The following PCCA variants were observed in gnomAD, a reference collection of about 807,000 sequenced individuals.
The protein encoded by PCCA is propionyl-CoA carboxylase alpha chain, mitochondrial.
In PCCA, 74 loss-of-function variants were observed where a neutral mutation model predicts 101.3. The ratio of observed to expected loss-of-function variants is 0.73; its 90% confidence interval spans 0.61 to 0.89. PCCA has a LOEUF of 0.89. Ranked by LOEUF, PCCA falls within the 40% of genes least tolerant of loss-of-function variation. The pLI is 0.00. For missense variants in PCCA, 891 were observed against 907.0 expected (o/e 0.98, Z 0.23); for synonymous variants, 294 against 313.6 (o/e 0.94, Z 0.66).
intron 6 of PCCA, among the ~76,000 whole-genome samples, chr13:100,173,801 G>T (rs893732373): frequency 1.3e-5 from 2 of 152,160 alleles, no homozygotes; most frequent in South Asian, 2.1e-4. Flanking sequence ...ATCATGGGGG[G>T]CAGGTTTCTC....
At chr13:100,529,812 C>G (rs919350590) in intron 23 of PCCA, among the ~76,000 whole-genome samples, 2 of 152,172 alleles carry the variant, frequency 1.3e-5, no homozygotes, top group African/African-American at 4.8e-5. Flanking sequence ...GAGCGCAGGC[C>G]ACAGCGCAAA....
intron 19 of PCCA, among the ~76,000 whole-genome samples, chr13:100,382,917 G>T (rs746134628): frequency 6.6e-6 from 1 of 151,868 alleles, no homozygotes; most frequent in Non-Finnish European, 1.5e-5. Flanking sequence ...AAGAAAGAAA[G>T]GCACTCAACT....
intron 18 of PCCA, 148 bp from the exon 19 acceptor site, chr13:100,368,324 A>T: frequency 1.7e-6 from 1 of 590,900 alleles, no homozygotes; most frequent in East Asian, 2.9e-5. Context: ...TCATAGATAC[A>T]TGATGATTCT....
At chr13:100,198,468 GTTCATTCATTCATTCATTCATTCATTCA>G (rs34318074) in intron 6 of PCCA, 1 of 149,256 alleles carries the variant, frequency 6.7e-6, no homozygotes, top group African/African-American at 2.5e-5. Flanking sequence ...CAGTTGCCAC[GTTCATTCATTCATTCATTCATTCATTCA>G]TTCATTCATT....
intron 21 of PCCA, among the ~76,000 whole-genome samples, chr13:100,469,596 G>A (rs2082827022): frequency 6.6e-6 from 1 of 152,084 alleles, no homozygotes; most frequent in South Asian, 2.1e-4. Flanking sequence ...GGCCAACACA[G>A]TGAAACCCCA....
chr13:100,207,719 CT>C (rs1169774835), intron 6 of PCCA, among the ~76,000 whole-genome samples: 2 of 151,840 alleles, frequency 1.3e-5, no homozygotes, highest in Non-Finnish European at 2.9e-5. Flanking sequence ...TATTTGATGC[CT>C]TTAAAAATCT....
At chr13:100,385,831 C>T (rs1002730742) in intron 19 of PCCA, among the ~76,000 whole-genome samples, 1 of 152,102 alleles carries the variant, frequency 6.6e-6, no homozygotes, top group Non-Finnish European at 1.5e-5. Context: ...AGGCTGGTCT[C>T]GAACTCCTGG....
Position 100,209,316 on chromosome 13 carries a change from T to C in PCCA, c.469-16T>C. On this transcript the variant is annotated splice_polypyrimidine_tract_variant and intron_variant, in intron 6 of 23. Coordinates refer to ENST00000376285, the MANE Select transcript of PCCA (RefSeq NM_000282.4). ...TAATGTTCTTGTTATAAATTTTGAC[T>C]TGTTTTTCTCCACAGGCAGCAGAAG... 1 of 1,612,500 alleles carries C rather than the reference T, an allele frequency of 6.2e-7. No homozygotes were observed. Among genetic ancestry groups the C allele is most frequent in the Non-Finnish European group, 8.5e-7 (1 of 1,178,570 alleles).
At chr13:100,191,759 C>A (rs1280227471) in intron 6 of PCCA, among the ~76,000 whole-genome samples, 2 of 152,218 alleles carry the variant, frequency 1.3e-5, no homozygotes, top group African/African-American at 4.8e-5. Flanking sequence ...TGATAACATA[C>A]ACCCAAGGAA....
At chr13:100,112,140 T>C (rs1212055490) in intron 4 of PCCA, 79 bp downstream of exon 4, 17 of 981,236 alleles carry the variant, frequency 1.7e-5, no homozygotes, top group Non-Finnish European at 2.6e-5. Flanking sequence ...AGGCTTTTTT[T>C]CTTGGCCTGC....
At chr13:100,499,723 A>G (rs2085533984) in intron 21 of PCCA, among the ~76,000 whole-genome samples, 1 of 152,262 alleles carries the variant, frequency 6.6e-6, no homozygotes, top group Admixed American at 6.5e-5. Flanking sequence ...AATAAGACCT[A>G]CGCCTCAGTG....
chr13:100,277,041 T>C (rs74922006), intron 12 of PCCA, among the ~76,000 whole-genome samples: 2,141 of 152,316 alleles, frequency 0.014, 47 homozygotes, highest in African/African-American at 0.049. Context: ...CAAATTTTTT[T>C]CTGCCACATG....
At chr13:100,324,239 T>C (rs1419729589) in intron 16 of PCCA, among the ~76,000 whole-genome samples, 1 of 152,196 alleles carries the variant, frequency 6.6e-6, no homozygotes, top group African/African-American at 2.4e-5. Context: ...GTAATCTGGA[T>C]GACCAAGATT....
intron 6 of PCCA, among the ~76,000 whole-genome samples, chr13:100,207,962 G>A (rs2058967822): frequency 6.6e-6 from 1 of 151,998 alleles, no homozygotes; most frequent in South Asian, 2.1e-4. Flanking sequence ...AGGTTGCAGT[G>A]AGCCAAGATT....
chr13:100,478,986 A>T (rs1274700737), intron 21 of PCCA, among the ~76,000 whole-genome samples: 7 of 152,042 alleles, frequency 4.6e-5, no homozygotes, highest in African/African-American at 1.7e-4. Context: ...GAACCTTCTC[A>T]CTCAGGGTAA....
intron 12 of PCCA, among the ~76,000 whole-genome samples, chr13:100,275,322 G>T (rs1422039157): frequency 6.6e-6 from 1 of 152,118 alleles, no homozygotes; most frequent in African/African-American, 2.4e-5. Flanking sequence ...TCGCTGTGCC[G>T]TGGCGGTAGA....
chr13:100,169,167 C>T lies in PCCA; in HGVS notation c.468+11827C>T, dbSNP rs538662244. Among the ~76,000 whole-genome samples the T allele has an allele frequency of 7.2e-4, 109 of 152,172 alleles. 1 individual carries two copies. Among genetic ancestry groups the T allele is most frequent in the Middle Eastern group, 6.8e-3 (2 of 294 alleles). On this transcript the variant is annotated intron_variant, in intron 6 of 23. Coordinates refer to ENST00000376285, the MANE Select transcript of PCCA (RefSeq NM_000282.4). The stretch of plus-strand genomic sequence containing the variant: ...AAAAATTTCCCTTAATTTGGCCAGG[C>T]GCAGTGGCTCACGCTTGTAATCCCA...
At chr13:100,145,890 A>T (rs1007872977) in intron 4 of PCCA, among the ~76,000 whole-genome samples, 2 of 151,234 alleles carry the variant, frequency 1.3e-5, no homozygotes, top group African/African-American at 4.9e-5. Context: ...TAGCTATTAC[A>T]TATATTTACA....
chr13:100,376,003 GTGACCTTCGGA>G (rs1440368499), intron 19 of PCCA, among the ~76,000 whole-genome samples: 1 of 152,196 alleles, frequency 6.6e-6, no homozygotes, highest in Non-Finnish European at 1.5e-5. Flanking sequence ...TTTGATGTTG[GTGACCTTCGGA>G]TGGGGTTTTT....
Sources: gnomAD v4.1 joint callset for allele counts (sites outside exome capture counted in the v4.1 genomes callset) on GRCh38, gnomAD v4.1.1 for gene constraint, MANE v1.5 for transcripts, NCBI Gene and HGNC (gene_info 2026-07-23, HGNC 2026-07-21) for gene names.